Variants in EFCAB3 observed in about 807,000 individuals in gnomAD.
EFCAB3 encodes EF-hand calcium-binding domain-containing protein 3.
In EFCAB3, 36 loss-of-function variants were observed where a neutral mutation model predicts 42.2. The ratio of observed to expected loss-of-function variants is 0.85; its 90% confidence interval spans 0.65 to 1.13. EFCAB3 has a LOEUF of 1.13. Among genes scored for constraint, EFCAB3 ranks in the 50% most tolerant of loss-of-function variants. EFCAB3 has a pLI of 0.00. For missense variants in EFCAB3, 418 were observed against 505.1 expected, an observed-to-expected ratio of 0.83 and a Z score of 1.65; for synonymous variants, 170 against 172.8, an observed-to-expected ratio of 0.98 and a Z score of 0.13.
intron 2 of EFCAB3, among the ~76,000 whole-genome samples, chr17:62,386,423 G>A (rs1372258802): frequency 6.6e-6 from 1 of 151,618 alleles, no homozygotes; most frequent in Non-Finnish European, 1.5e-5. Context: ...TACATATGCT[G>A]GTAAAAATAC....
Position 62,395,034 on chromosome 17 carries a change from A to G in EFCAB3, c.368-34A>G, listed in dbSNP as rs756936064. 5 of 1,608,494 alleles carry G rather than the reference A, an allele frequency of 3.1e-6. No individual in the cohort carries two copies. In the South Asian group the frequency reaches 5.5e-5, roughly 18 times the overall value. ...TGGTCAATTTCTTATTTCAGAAGGTATTTAAAAATCTATCTTTTGTTTTCC... is the reference window on the plus strand; with the variant it reads ...TGGTCAATTTCTTATTTCAGAAGGTGTTTAAAAATCTATCTTTTGTTTTCC... On this transcript the variant is annotated intron_variant, in intron 5 of 9. Coordinates refer to ENST00000305286, the MANE Select transcript of EFCAB3 (RefSeq NM_173503.4).
At chr17:62,397,851 C>T (rs938471452) in intron 6 of EFCAB3, 3 of 276,484 alleles carry the variant, frequency 1.1e-5, no homozygotes, top group African/African-American at 2.3e-5. Flanking sequence ...GGTGAAACCC[C>T]GTCTCTACTA....
At chr17:62,380,638 T>G in intron 1 of EFCAB3, 25 bp downstream of exon 1, 1 of 973,296 alleles carries the variant, frequency 1.0e-6, no homozygotes, top group Non-Finnish European at 1.2e-6. Flanking sequence ...TTTGTAGGAT[T>G]CTATGCTAAG....
chr17:62,397,835 C>T (rs1379489821), intron 6 of EFCAB3: 3 of 289,866 alleles, frequency 1.0e-5, no homozygotes, highest in Non-Finnish European at 2.0e-5. Flanking sequence ...CCAGCCTGGC[C>T]AACATGGTGA....
chr17:62,413,248 A>G (rs964507324), intron 8 of EFCAB3, among the ~76,000 whole-genome samples: 6 of 152,224 alleles, frequency 3.9e-5, no homozygotes, highest in African/African-American at 1.4e-4. Context: ...AAAATAACCT[A>G]TATAAAAATG....
intron 9 of EFCAB3, 81 bp downstream of exon 9, chr17:62,413,935 G>A (rs2070522151): frequency 1.4e-6 from 2 of 1,451,066 alleles, no homozygotes; most frequent in Non-Finnish European, 1.9e-6. Context: ...ATAAAACCAA[G>A]AGAATTTTTA....
intron 8 of EFCAB3, 148 bp downstream of exon 8, chr17:62,407,360 G>T (rs1050756090): frequency 1.5e-5 from 10 of 658,718 alleles, no homozygotes; most frequent in Middle Eastern, 4.7e-4. Flanking sequence ...TTTAAGTCCA[G>T]GTATTAACAT....
intron 7 of EFCAB3, 107 bp from the exon 8 acceptor site, chr17:62,406,920 TG>T: frequency 9.1e-7 from 1 of 1,100,698 alleles, no homozygotes; most frequent in Non-Finnish European, 1.3e-6. Context: ...ATGAGGGCCA[TG>T]GCCACTGAGA....
At chr17:62,412,774 A>T (rs2070510663) in intron 8 of EFCAB3, among the ~76,000 whole-genome samples, 1 of 152,120 alleles carries the variant, frequency 6.6e-6, no homozygotes, top group Non-Finnish European at 1.5e-5. Context: ...TCAAAAAAAA[A>T]AAAGTCTCAA....
chr17:62,413,715 T>G lies in EFCAB3; in HGVS notation c.868-17T>G. ...TTAAAATGTATTACTAACCTTCTTT[T>G]TTAAATATGCATAAAGGCAGCAAAT... is the stretch of plus-strand genomic sequence containing the variant. On this transcript the variant is annotated splice_polypyrimidine_tract_variant and intron_variant, in intron 8 of 9. Coordinates refer to ENST00000305286, the MANE Select transcript of EFCAB3 (RefSeq NM_173503.4). 6.4e-7 allele frequency: 1 copy of G among 1,566,376 alleles called. No individual in the cohort carries two copies. The highest frequency in any genetic ancestry group is 8.6e-7 in the Non-Finnish European group (1 of 1,157,986).
At chr17:62,400,179 C>T (rs2070388393) in intron 6 of EFCAB3, among the ~76,000 whole-genome samples, 1 of 151,928 alleles carries the variant, frequency 6.6e-6, no homozygotes, top group Admixed American at 6.6e-5. Context: ...CCACCTCAAA[C>T]CAAAGGTAAA....
At chr17:62,408,397 C>A (rs1437340741) in intron 8 of EFCAB3, among the ~76,000 whole-genome samples, 1 of 152,148 alleles carries the variant, frequency 6.6e-6, no homozygotes, top group African/African-American at 2.4e-5. Flanking sequence ...GATTCTCAAC[C>A]CAGCAGCCAA....
intron 6 of EFCAB3, among the ~76,000 whole-genome samples, chr17:62,401,805 G>GT (rs1269272149): frequency 6.6e-6 from 1 of 152,148 alleles, no homozygotes; most frequent in Non-Finnish European, 1.5e-5. Context: ...CTTTAAAGTA[G>GT]TTTTTTCCAA....
At chr17:62,407,275 A>G in intron 8 of EFCAB3, 63 bp downstream of exon 8, 1 of 1,332,050 alleles carries the variant, frequency 7.5e-7, no homozygotes, top group Non-Finnish European at 1.0e-6. Flanking sequence ...ACTTAACAGA[A>G]CTAATGACAT....
rs767957301 is a variant in EFCAB3, at chr17:62,407,038, C to G, written c.693C>G (p.Ser231=). ...TTTTTATCTTTTTAGGATGCAATTCCGGTTCAGATAGCCCATATTCAAAAA... is the reference window on the plus strand; with the variant it reads ...TTTTTATCTTTTTAGGATGCAATTCGGGTTCAGATAGCCCATATTCAAAAA... ...KFLEELKRCN[S]GSDSPYSKIP... The change falls in exon 8 of 10, where the codon TCC becomes TCG. Residue 231 remains serine (S), a synonymous_variant. Transcript: ENST00000305286. 2 of 1,574,816 alleles carry G rather than the reference C, an allele frequency of 1.3e-6. No individual in the cohort carries two copies. The highest frequency in any genetic ancestry group is 1.7e-6 in the Non-Finnish European group (2 of 1,166,618).
At chr17:62,395,012 T>G in intron 5 of EFCAB3, 56 bp from the exon 6 acceptor site, 1 of 1,594,402 alleles carries the variant, frequency 6.3e-7, no homozygotes, top group Non-Finnish European at 8.5e-7. Flanking sequence ...AAAGAGGTGG[T>G]CAATTTCTTA....
At chr17:62,399,187 TC>T (rs1313859335) in intron 6 of EFCAB3, among the ~76,000 whole-genome samples, 1 of 64,052 alleles carries the variant, frequency 1.6e-5, no homozygotes, top group Non-Finnish European at 9.7e-5. Context: ...AAAGCCAAAG[TC>T]TTTTTTTTTT....
At position 62,391,975 on chromosome 17, in the gene EFCAB3, T is replaced by C; in HGVS notation, c.295+10T>C. 6.3e-7 allele frequency: 1 copy of C among 1,586,444 alleles called. No individual in the cohort carries two copies. The highest frequency in any genetic ancestry group is 8.6e-7 in the Non-Finnish European group (1 of 1,164,228). ...TGTGCTGATATTGATCGTGAGTCCT[T>C]TGGCTTCTCATTGTTTTTCTCATAA... On this transcript the variant is annotated intron_variant, in intron 4 of 9. Coordinates refer to ENST00000305286, the MANE Select transcript of EFCAB3 (RefSeq NM_173503.4).
chr17:62,415,368 G>A (rs2144121697), intron 9 of EFCAB3, among the ~76,000 whole-genome samples: 1 of 152,284 alleles, frequency 6.6e-6, no homozygotes, highest in Admixed American at 6.5e-5. Context: ...TAGAAACAGT[G>A]GGTCACTACA....
Sources: allele counts gnomAD v4.1 joint callset (sites outside exome capture counted in the v4.1 genomes callset), GRCh38; gene constraint gnomAD v4.1.1; transcripts MANE v1.5; gene names NCBI Gene and HGNC (gene_info 2026-07-23, HGNC 2026-07-21).